UNC13C: variants seen among roughly 807,000 people sequenced by gnomAD.
UNC13C encodes protein unc-13 homolog C.
UNC13C carries 174 observed loss-of-function variants against 245.4 expected under a neutral mutation model. The observed-to-expected ratio is 0.71, with a 90% CI of 0.63 to 0.80. The LOEUF (loss-of-function observed/expected upper bound fraction) is 0.80. Ranked by LOEUF, UNC13C falls within the 30% of genes least tolerant of loss-of-function variation. The probability of loss-of-function intolerance (pLI) is 0.00; values close to 1 mark genes in which losing one functional copy is unlikely to be tolerated. For synonymous variants in UNC13C, 992 were observed against 895.1 expected (o/e 1.11, Z -1.93); for missense variants, 2,829 against 2,602.9 (o/e 1.09, Z -1.89).
At position 54,467,222 on chromosome 15, in the gene UNC13C, C is replaced by T. The variant is rs540557273; in HGVS notation, c.4934-27386C>T. Among the ~76,000 whole-genome samples, 38 of 151,748 alleles carry T rather than the reference C, an allele frequency of 2.5e-4. 1 individual carries two copies. Among genetic ancestry groups the T allele is most frequent in the South Asian group, 2.1e-4 (1 of 4,816 alleles). On this transcript the variant is annotated intron_variant, in intron 19 of 32. Coordinates refer to ENST00000260323, the MANE Select transcript of UNC13C (RefSeq NM_001080534.3). ...CAGGGAAACATAAATTTAAATAACT[C>T]AAGAAGAATTTTTCAGTAAATGATG...
At chr15:54,503,189 T>C (rs1894305498) in intron 22 of UNC13C, among the ~76,000 whole-genome samples, 2 of 152,224 alleles carry the variant, frequency 1.3e-5, no homozygotes, top group African/African-American at 4.8e-5. Context: ...CAATATCCAA[T>C]TGTCAGCAGG....
At chr15:53,861,895 C>T in the UNC13C span, among the ~76,000 whole-genome samples, 1 of 152,070 alleles carries the variant, frequency 6.6e-6, no homozygotes, top group Non-Finnish European at 1.5e-5. Context: ...CCCATAATTC[C>T]CACCAGCTCC....
At chr15:54,618,388 G>A (rs529348335) in intron 30 of UNC13C, among the ~76,000 whole-genome samples, 2 of 152,184 alleles carry the variant, frequency 1.3e-5, no homozygotes, top group South Asian at 4.1e-4. Context: ...TAATCCCTAT[G>A]GATTTACAAT....
At chr15:54,447,533 C>G (rs942727348) in intron 19 of UNC13C, among the ~76,000 whole-genome samples, 8 of 152,188 alleles carry the variant, frequency 5.3e-5, no homozygotes, top group South Asian at 2.1e-4. Context: ...TTATCCATTT[C>G]TTCTAGATTT....
the UNC13C span, among the ~76,000 whole-genome samples, chr15:53,879,971 G>A: frequency 0.051 from 7,723 of 151,104 alleles, 263 homozygotes; most frequent in Middle Eastern, 0.14. Flanking sequence ...GTGTGTGTGT[G>A]TATATACATA....
At chr15:54,283,722 G>A (rs2037064834) in intron 10 of UNC13C, among the ~76,000 whole-genome samples, 2 of 151,852 alleles carry the variant, frequency 1.3e-5, no homozygotes, top group South Asian at 4.2e-4. Context: ...GTGTGTGTGT[G>A]TGTGTGTGTG....
chr15:53,858,965 T>TTGTA, the UNC13C span, among the ~76,000 whole-genome samples: 95,565 of 151,546 alleles, frequency 0.63, 30,264 homozygotes, highest in East Asian at 0.76. Context: ...TTAAAAATTA[T>TTGTA]TGTGTTTAGA....
intron 2 of UNC13C, among the ~76,000 whole-genome samples, chr15:54,076,235 T>G (rs1305099325): frequency 6.7e-6 from 1 of 149,606 alleles, no homozygotes. Flanking sequence ...ATTAGGTATA[T>G]CGCCCAATGC....
At chr15:54,087,746 T>A (rs1179677825) in intron 2 of UNC13C, among the ~76,000 whole-genome samples, 1 of 152,212 alleles carries the variant, frequency 6.6e-6, no homozygotes, top group Non-Finnish European at 1.5e-5. Flanking sequence ...TTAGCTCTTG[T>A]AACTACGAAG....
intron 29 of UNC13C, 36 bp from the exon 30 acceptor site, chr15:54,567,764 C>T (rs926079920): frequency 6.5e-7 from 1 of 1,543,390 alleles, no homozygotes; most frequent in Non-Finnish European, 8.7e-7. Flanking sequence ...CAATACTTCT[C>T]TCTAAATGCC....
chr15:54,445,789 T>C (rs1325112208), intron 19 of UNC13C, among the ~76,000 whole-genome samples: 1 of 152,220 alleles, frequency 6.6e-6, no homozygotes, highest in Non-Finnish European at 1.5e-5. Context: ...AGAAGCTCTT[T>C]AGTTTAATTG....
the UNC13C span, among the ~76,000 whole-genome samples, chr15:53,871,713 T>C: frequency 6.6e-6 from 1 of 152,182 alleles, no homozygotes; most frequent in African/African-American, 2.4e-5. Context: ...AGGTCTGAAA[T>C]TGTGAATCCC....
intron 4 of UNC13C, among the ~76,000 whole-genome samples, chr15:54,153,842 T>C (rs1052028460): frequency 6.6e-6 from 1 of 151,988 alleles, no homozygotes; most frequent in Admixed American, 6.6e-5. Flanking sequence ...TGATAATTCA[T>C]GATTGATATT....
At chr15:54,049,649 A>C in intron 2 of UNC13C, 1 of 230,704 alleles carries the variant, frequency 4.3e-6, no homozygotes, top group Non-Finnish European at 8.7e-6. Flanking sequence ...AATTCCACAC[A>C]CTCCAGCAGT....
chr15:53,847,705 A>T, the UNC13C span, among the ~76,000 whole-genome samples: 1 of 151,968 alleles, frequency 6.6e-6, no homozygotes, highest in Non-Finnish European at 1.5e-5. Flanking sequence ...GATTGAGAGG[A>T]TATGGCCTTT....
the UNC13C span, among the ~76,000 whole-genome samples, chr15:53,940,839 C>T: frequency 1.3e-5 from 2 of 152,180 alleles, no homozygotes; most frequent in Non-Finnish European, 2.9e-5. Context: ...GAAAAACATT[C>T]CATGCTCATG....
Position 54,533,032 on chromosome 15 carries a change from G to A in UNC13C, c.5662G>A (p.Val1888Met). Residue 1888 changes from valine to methionine, a missense_variant, in exon 26 of 33, where the codon GTG (valine) becomes ATG (methionine). Coordinates refer to ENST00000260323, the MANE Select transcript of UNC13C (RefSeq NM_001080534.3). ...KNSAAMDAEI[V>M]LRSLMDFLDK... ...CAGTGCAGCAATGGATGCAGAGATTGTGTTAAGATCTCTTATGGATTTTTT... is the reference window on the plus strand; with the variant it reads ...CAGTGCAGCAATGGATGCAGAGATTATGTTAAGATCTCTTATGGATTTTTT... 1 of 1,597,566 alleles carries A rather than the reference G, an allele frequency of 6.3e-7. No homozygotes were observed. The highest frequency in any genetic ancestry group is 2.3e-5 in the East Asian group (1 of 44,414).
At chr15:53,858,965 T>TTCTA in the UNC13C span, among the ~76,000 whole-genome samples, 1 of 151,532 alleles carries the variant, frequency 6.6e-6, no homozygotes, top group East Asian at 1.9e-4. Flanking sequence ...TTAAAAATTA[T>TTCTA]TGTGTTTAGA....
chr15:54,141,873 C>A (rs2032038754), intron 2 of UNC13C, among the ~76,000 whole-genome samples: 1 of 152,078 alleles, frequency 6.6e-6, no homozygotes, highest in Non-Finnish European at 1.5e-5. Flanking sequence ...GATAGTTAAG[C>A]AGCCTATACT....
Sources: gnomAD v4.1 joint callset for allele counts (sites outside exome capture counted in the v4.1 genomes callset) on GRCh38, gnomAD v4.1.1 for gene constraint, MANE v1.5 for transcripts, NCBI Gene and HGNC (gene_info 2026-07-23, HGNC 2026-07-21) for gene names.